Variants in SLC17A7 observed in about 807,000 individuals in gnomAD.
SLC17A7 encodes vesicular glutamate transporter 1.
Under a neutral mutation model 59.1 loss-of-function variants are expected in SLC17A7, and 15 were observed. The observed-to-expected ratio is 0.25, with a 90% CI of 0.17 to 0.39. SLC17A7 has a LOEUF of 0.39. SLC17A7 is among the 10% of genes least tolerant of loss of function. SLC17A7 has a pLI of 1.00. For missense variants in SLC17A7, 499 were observed against 765.1 expected (o/e 0.65, Z 4.10); for synonymous variants, 353 against 308.9 (o/e 1.14, Z -1.50).
intron 1 of SLC17A7, among the ~76,000 whole-genome samples, chr19:49,441,046 G>C (rs2078997977): frequency 6.6e-6 from 1 of 152,158 alleles, no homozygotes; most frequent in African/African-American, 2.4e-5. Flanking sequence ...CCCAGAAGTG[G>C]TGGGGGAGGA....
intron 1 of SLC17A7, chr19:49,437,108 G>A (rs2078982715): frequency 2.1e-6 from 1 of 469,860 alleles, no homozygotes; most frequent in Non-Finnish European, 3.9e-6. Flanking sequence ...AACCCTTTGG[G>A]ATTCAAGAGC....
At chr19:49,435,469 C>T (rs1298597326) in intron 2 of SLC17A7, 183 bp from the exon 3 acceptor site, 3 of 574,046 alleles carry the variant, frequency 5.2e-6, no homozygotes, top group Non-Finnish European at 9.3e-6. Context: ...CTCCGCTCTT[C>T]CACGTTGCTA....
intron 1 of SLC17A7, chr19:49,437,316 G>A (rs957634275): frequency 1.9e-5 from 3 of 162,148 alleles, no homozygotes; most frequent in Non-Finnish European, 4.1e-5. Flanking sequence ...GCATCCCTAG[G>A]GAACCTTGAG....
chr19:49,431,325 C>T lies in SLC17A7; in HGVS notation c.1261+13G>A, dbSNP rs763516670. ...GACCAGAGTCCCCCAAGCTGCGGAT[C>T]CGCGGTTCTCACCAGAGATGGCGAA... On this transcript the variant is annotated intron_variant, in intron 10 of 11. Coordinates refer to ENST00000221485, the MANE Select transcript of SLC17A7 (RefSeq NM_020309.4). This position sits in a 1 kb window ranked among gnomAD's most constrained non-coding sequence, Gnocchi z 4.6. 6.2e-7 allele frequency: 1 copy of T among 1,613,134 alleles called. No homozygotes were observed. The highest frequency in any genetic ancestry group is 1.1e-5 in the South Asian group (1 of 91,028).
intron 1 of SLC17A7, among the ~76,000 whole-genome samples, chr19:49,439,779 GA>G (rs1271624129): frequency 6.6e-6 from 1 of 152,184 alleles, no homozygotes; most frequent in African/African-American, 2.4e-5. Flanking sequence ...GGTCTCTGGG[GA>G]CCCAAGAGGT....
At chr19:49,439,985 G>A (rs2078994074) in intron 1 of SLC17A7, among the ~76,000 whole-genome samples, 1 of 152,090 alleles carries the variant, frequency 6.6e-6, no homozygotes, top group East Asian at 1.9e-4. Context: ...AGAAACTCGT[G>A]AAAGGAGGCG....
chr19:49,438,562 A>G (rs2078988525), intron 1 of SLC17A7, among the ~76,000 whole-genome samples: 1 of 151,912 alleles, frequency 6.6e-6, no homozygotes, highest in South Asian at 2.1e-4. Context: ...GAACTTAAGG[A>G]GGTGGGGAGG....
At position 49,433,879 on chromosome 19, in the gene SLC17A7, C is replaced by A; in HGVS notation, c.725-11G>T. ...AGATCCCGAAGCTGCCTGGGGGGGT[C>A]AGGAGGGGGATGGGAGCGAGGTGAG... is the stretch of plus-strand genomic sequence containing the variant. On this transcript the variant is annotated splice_polypyrimidine_tract_variant and intron_variant, in intron 6 of 11. Coordinates refer to ENST00000221485, the MANE Select transcript of SLC17A7 (RefSeq NM_020309.4). The surrounding 1 kb of genome is among the most constrained non-coding windows in gnomAD (Gnocchi z 5.7). 2 of 1,611,154 alleles carry A rather than the reference C, an allele frequency of 1.2e-6. No individual in the cohort carries two copies. Among genetic ancestry groups the A allele is most frequent in the Non-Finnish European group, 1.7e-6 (2 of 1,178,024 alleles).
At chr19:49,435,462 C>A (rs774930923) in intron 2 of SLC17A7, 176 bp from the exon 3 acceptor site, 44 of 580,320 alleles carry the variant, frequency 7.6e-5, no homozygotes, top group Non-Finnish European at 1.3e-4. Flanking sequence ...CTACAAACTC[C>A]GCTCTTCCAC....
chr19:49,436,398 T>G lies in SLC17A7; in HGVS notation c.315+151A>C, dbSNP rs1018337160. ...GCGGCCCCTAAGGCGAGGTCAGAAC[T>G]AAGGGGCGCACGGATTGGGCGGAGC... On this transcript the variant is annotated intron_variant, in intron 2 of 11. Coordinates refer to ENST00000221485, the MANE Select transcript of SLC17A7 (RefSeq NM_020309.4). The surrounding 1 kb of genome is among the most constrained non-coding windows in gnomAD (Gnocchi z 4.1). 5.6e-6 allele frequency: 6 copies of G among 1,065,442 alleles called. No individual in the cohort carries two copies. In the African/African-American group the frequency reaches 9.5e-5, roughly 17 times the overall value. 66.0% of individuals were successfully genotyped at this position (1,065,442 alleles called of 1,614,324 possible). A position where few individuals can be genotyped will look rare whatever the true frequency, so the allele number is the denominator to read the frequency against.
chr19:49,434,672 G>A lies in SLC17A7; in HGVS notation c.567C>T (p.Ala189=). ...QGLVEGVTYP[A]CHGIWSKWAP... ...CCCATTTGCTCCAGATCCCATGGCA[G>A]GCGGGGTATGTGACCCCCTAAAGAG... The change falls in exon 5 of 12, where the codon GCC becomes GCT. Residue 189 remains alanine (A), a synonymous_variant. Coordinates refer to ENST00000221485, the MANE Select transcript of SLC17A7 (RefSeq NM_020309.4). The A allele has an allele frequency of 6.2e-7, 1 of 1,614,182 alleles. No individual in the cohort carries two copies. Among genetic ancestry groups the A allele is most frequent in the Non-Finnish European group, 8.5e-7 (1 of 1,180,002 alleles).
intron 1 of SLC17A7, among the ~76,000 whole-genome samples, chr19:49,440,025 T>C (rs548429010): frequency 1.3e-5 from 2 of 151,912 alleles, no homozygotes; most frequent in South Asian, 4.2e-4. Context: ...GCTGGAAAAT[T>C]GGAAAAAGAA....
intron 5 of SLC17A7, 32 bp from the exon 6 acceptor site, chr19:49,434,078 C>T (rs2078971276): frequency 2.1e-6 from 3 of 1,420,326 alleles, no homozygotes; most frequent in Non-Finnish European, 1.0e-6. Flanking sequence ...AGAGAACAGG[C>T]CCATCTTCCC....
chr19:49,440,808 A>G (rs2078997211), intron 1 of SLC17A7, among the ~76,000 whole-genome samples: 1 of 151,368 alleles, frequency 6.6e-6, no homozygotes, highest in Admixed American at 6.6e-5. Context: ...AAGAGGAGAG[A>G]CCCAGAAAGA....
rs1292420787 is a variant in SLC17A7, at chr19:49,441,394, C to A, written c.-15G>T. ...CGGAACTCCATGGTGGCGGCTCCTGCCGCCGGTCACCCCGCGGGTCCCCCC... is the reference window on the plus strand; with the variant it reads ...CGGAACTCCATGGTGGCGGCTCCTGACGCCGGTCACCCCGCGGGTCCCCCC... On this transcript the variant is annotated 5_prime_UTR_variant, in exon 1 of 12. Transcript: ENST00000221485. 3 of 1,527,766 alleles carry A rather than the reference C, an allele frequency of 2.0e-6. No homozygotes were observed. The highest frequency in any genetic ancestry group is 2.6e-6 in the Non-Finnish European group (3 of 1,142,782). The allele number at this position is 1,527,766 out of a possible 1,614,324, so 94.6% of individuals were successfully genotyped here.
chr19:49,436,313 A>G lies in SLC17A7; in HGVS notation c.315+236T>C. 1.7e-6 allele frequency: 1 copy of G among 578,816 alleles called. No individual in the cohort carries two copies. Among genetic ancestry groups the G allele is most frequent in the Admixed American group, 3.0e-5 (1 of 33,102 alleles). 35.9% of individuals were successfully genotyped at this position (578,816 alleles called of 1,614,324 possible). On this transcript the variant is annotated intron_variant, in intron 2 of 11. Coordinates refer to ENST00000221485, the MANE Select transcript of SLC17A7 (RefSeq NM_020309.4). This position sits in a 1 kb window ranked among gnomAD's most constrained non-coding sequence, Gnocchi z 4.1. ...GGGGCGGACTCTACATTTTTCAATC[A>G]AGCCCCTGGAAATAAGGGCGGGACT...
intron 4 of SLC17A7, 22 bp downstream of exon 4, chr19:49,434,746 G>T: frequency 6.2e-7 from 1 of 1,614,040 alleles, no homozygotes; most frequent in Non-Finnish European, 8.5e-7. Flanking sequence ...CGAGGGCAGG[G>T]TCATATCAGG....
In SLC17A7 at chr19:49,441,506, C is replaced by A; in HGVS notation, c.-127G>T. 2.8e-6 allele frequency: 3 copies of A among 1,056,714 alleles called. No individual in the cohort carries two copies. The highest frequency in any genetic ancestry group is 3.4e-6 in the Non-Finnish European group (3 of 878,486). The allele number at this position is 1,056,714 out of a possible 1,614,324, so 65.5% of individuals were successfully genotyped here. On this transcript the variant is annotated 5_prime_UTR_variant, in exon 1 of 12. Transcript: ENST00000221485. ...GCCCGGCCGGCCCCGCAGCTCCGCT[C>A]GGGGGGAAGGAGGCTGCAAGTGCAG...
At position 49,432,534 on chromosome 19, in the gene SLC17A7, A is replaced by T. The variant is rs756736259; in HGVS notation, c.1135T>A (p.Leu379Met). 1 of 1,613,512 alleles carries T rather than the reference A, an allele frequency of 6.2e-7. No homozygotes were observed. The highest frequency in any genetic ancestry group is 8.5e-7 in the Non-Finnish European group (1 of 1,179,786). The change falls in exon 9 of 12, where the codon TTG becomes ATG. Residue 379 changes from leucine (L) to methionine (M), a missense_variant. Leu to Met is a conservative substitution (Grantham distance 15). This residue lies in a region of SLC17A7 where 323 missense variants were observed against 607.2 expected (regional missense o/e 0.53). Transcript: ENST00000221485. ...CCCCACTCACCTCCGCAGTTCATCAACTTGCGCACGTTGGTGGTGGACATG... is the reference window on the plus strand; with the variant it reads ...CCCCACTCACCTCCGCAGTTCATCATCTTGCGCACGTTGGTGGTGGACATG... ...RIMSTTNVRK[L>M]MNCGGFGMEA...
Sources: allele counts gnomAD v4.1 joint callset (sites outside exome capture counted in the v4.1 genomes callset), GRCh38; gene constraint gnomAD v4.1.1; regional missense constraint gnomAD v4.1.1; non-coding constraint Gnocchi (gnomAD v3.1); transcripts MANE v1.5; gene names NCBI Gene and HGNC (gene_info 2026-07-23, HGNC 2026-07-21).